Variants in NUP153 observed in about 807,000 individuals in gnomAD.
The protein encoded by NUP153 is nucleoporin 153.
NUP153 carries 27 observed loss-of-function variants against 134.6 expected under a neutral mutation model. The ratio of observed to expected loss-of-function variants is 0.20; its 90% CI spans 0.15 to 0.28. The LOEUF is 0.28. Ranked by LOEUF, NUP153 falls within the 10% of genes least tolerant of loss-of-function variation. The pLI is 1.00. For synonymous variants in NUP153, 640 were observed against 623.5 expected, an observed-to-expected ratio of 1.03 and a Z score of -0.40; for missense variants, 1,821 against 1,731.3, an observed-to-expected ratio of 1.05 and a Z score of -0.92.
At chr6:17,701,024 G>C (rs1319554741) in intron 1 of NUP153, among the ~76,000 whole-genome samples, 1 of 151,996 alleles carries the variant, frequency 6.6e-6, no homozygotes, top group African/African-American at 2.4e-5. Context: ...TCGGGAGTTC[G>C]AGACCAGCCT....
In NUP153 at chr6:17,688,501, G is replaced by T; in HGVS notation, c.229C>A (p.Arg77Ser). 1 of 1,614,058 alleles carries T rather than the reference G, an allele frequency of 6.2e-7. No individual in the cohort carries two copies. Among genetic ancestry groups the T allele is most frequent in the Middle Eastern group, 1.6e-4 (1 of 6,062 alleles). The change falls in exon 2 of 22, where the codon CGC (arginine) becomes AGC (serine). Residue 77 changes from arginine to serine, a missense_variant. Coordinates refer to ENST00000262077, the MANE Select transcript of NUP153 (RefSeq NM_005124.4). ...SCSTDTSEVP[R>S]WPENKEDHLV... ...TGGTCCTCTTTATTTTCTGGCCAGC[G>T]TGGAACCTCGCTTGTGTCTGTTGAA...
intron 5 of NUP153, among the ~76,000 whole-genome samples, chr6:17,674,327 C>A (rs974246262): frequency 1.3e-5 from 2 of 151,850 alleles, no homozygotes; most frequent in East Asian, 1.9e-4. Context: ...GTAATTTATA[C>A]GTCATTTAAA....
At chr6:17,699,306 C>T (rs1015576340) in intron 1 of NUP153, among the ~76,000 whole-genome samples, 9 of 150,796 alleles carry the variant, frequency 6.0e-5, no homozygotes, top group African/African-American at 2.2e-4. Context: ...ACCAGCCTGG[C>T]CAACATGGTG....
chr6:17,665,158 A>G (rs1400194102), intron 9 of NUP153, 81 bp downstream of exon 9: 2 of 1,033,962 alleles, frequency 1.9e-6, no homozygotes, highest in African/African-American at 1.6e-5. Context: ...CTAGAATACA[A>G]TGGTAGTTAT....
chr6:17,640,133 A>G (rs1765762354), intron 14 of NUP153, 69 bp from the exon 15 acceptor site: 1 of 1,210,462 alleles, frequency 8.3e-7, no homozygotes, highest in African/African-American at 1.6e-5. Context: ...CATTTTTAAA[A>G]ATCTTTCAAA....
intron 8 of NUP153, among the ~76,000 whole-genome samples, chr6:17,667,608 C>T (rs1036294159): frequency 6.6e-6 from 1 of 151,890 alleles, no homozygotes; most frequent in Non-Finnish European, 1.5e-5. Context: ...CAGCTACCTG[C>T]GAGGCTGAGG....
intron 14 of NUP153, among the ~76,000 whole-genome samples, chr6:17,644,490 T>G (rs1766034271): frequency 6.6e-6 from 1 of 152,214 alleles, no homozygotes; most frequent in African/African-American, 2.4e-5. Context: ...TTGTTTGCAA[T>G]TCTAAAGCGT....
intron 11 of NUP153, among the ~76,000 whole-genome samples, chr6:17,660,677 AGG>A (rs1767123476): frequency 6.6e-6 from 1 of 152,118 alleles, no homozygotes; most frequent in African/African-American, 2.4e-5. Flanking sequence ...AACACACAAA[AGG>A]ATGCCCCAAG....
rs78329450 is a variant in NUP153, at chr6:17,683,593, T to C, written c.334+4803A>G. On this transcript the variant is annotated intron_variant, in intron 2 of 21. Coordinates refer to ENST00000262077, the MANE Select transcript of NUP153 (RefSeq NM_005124.4). ...CATGCTGTAAATAGATGTGTTGTCA[T>C]CCAGGTTTTGTTGTTTCAATTACAC... is the stretch of plus-strand genomic sequence containing the variant. Among the ~76,000 whole-genome samples the C allele has an allele frequency of 2.1e-3, 320 of 152,310 alleles. 1 individual carries two copies. The highest frequency in any genetic ancestry group is 7.2e-3 in the African/African-American group (299 of 41,558).
At chr6:17,624,438 T>C in intron 20 of NUP153, 123 bp downstream of exon 20, 1 of 909,334 alleles carries the variant, frequency 1.1e-6, no homozygotes, top group South Asian at 1.8e-5. Context: ...ATTACCTCTC[T>C]ATTCTGCCAA....
At position 17,629,300 on chromosome 6, in the gene NUP153, A is replaced by G. The variant is rs779809314; in HGVS notation, c.2899T>C (p.Ser967Pro). 1.2e-6 allele frequency: 2 copies of G among 1,608,284 alleles called. No homozygotes were observed. Among genetic ancestry groups the G allele is most frequent in the Non-Finnish European group, 1.7e-6 (2 of 1,178,662 alleles). The part of the protein sequence containing the change: ...GDFKFGVSSE[S>P]KPEEVKKDSK... ...TCTTTTTTAACTTCTTCGGGCTTAG[A>G]TTCAGATGAAACTCCAAATTTAAAA... The change falls in exon 18 of 22, where the codon TCT becomes CCT. Residue 967 changes from serine to proline, a missense_variant. Physicochemically the swap from Ser to Pro is moderately conservative, Grantham distance 74. Transcript: ENST00000262077.
intron 11 of NUP153, among the ~76,000 whole-genome samples, chr6:17,651,650 T>C (rs9477498): frequency 0.015 from 2,214 of 152,326 alleles, 59 homozygotes; most frequent in African/African-American, 0.05. Flanking sequence ...TAAGAGTGGC[T>C]GTATTAATAC....
chr6:17,703,067 G>C (rs1044559177), intron 1 of NUP153, among the ~76,000 whole-genome samples: 2 of 151,548 alleles, frequency 1.3e-5, no homozygotes, highest in African/African-American at 4.8e-5. Flanking sequence ...GCGTGGTGGC[G>C]CATGCCTGTA....
In NUP153 at chr6:17,629,014, G is replaced by A. The variant is rs1765091677; in HGVS notation, c.3185C>T (p.Pro1062Leu). The A allele has an allele frequency of 6.2e-7, 1 of 1,614,034 alleles. No homozygotes were observed. Residue 1062 changes from proline (P) to leucine (L), a missense_variant, in exon 18 of 22, where the codon CCT becomes CTT. Coordinates refer to ENST00000262077, the MANE Select transcript of NUP153 (RefSeq NM_005124.4). ...AGCTTCTGATGTCTTACATGTGAAA[G>A]GAGCCACTGAAGCACTCTTGGTTTC... The part of the protein sequence containing the change: ...TIETKSASVA[P>L]FTCKTSEAKK...
Position 17,694,266 on chromosome 6 carries a change from C to T in NUP153, c.112-5648G>A, listed in dbSNP as rs934170189. Among the ~76,000 whole-genome samples, 20 of 152,124 alleles carry T rather than the reference C, an allele frequency of 1.3e-4. 1 individual carries two copies. Among genetic ancestry groups the T allele is most frequent in the Non-Finnish European group, 4.4e-5 (3 of 68,038 alleles). On this transcript the variant is annotated intron_variant, in intron 1 of 21. Transcript: ENST00000262077. ...AGAATAGTAATGTTTGCCTTTACCT[C>T]CATGAGTTAGTATAGATTCTAAAAT...
At chr6:17,671,628 G>A (rs899261928) in intron 5 of NUP153, among the ~76,000 whole-genome samples, 1 of 152,068 alleles carries the variant, frequency 6.6e-6, no homozygotes, top group Non-Finnish European at 1.5e-5. Context: ...CACCTAAATG[G>A]GAAGATATAC....
intron 2 of NUP153, among the ~76,000 whole-genome samples, chr6:17,682,835 T>C (rs1179653702): frequency 6.6e-6 from 1 of 151,642 alleles, no homozygotes; most frequent in Non-Finnish European, 1.5e-5. Flanking sequence ...GGAGAATTGC[T>C]TTATCGCAGG....
intron 14 of NUP153, among the ~76,000 whole-genome samples, chr6:17,642,922 C>T (rs766799140): frequency 3.3e-5 from 5 of 152,160 alleles, no homozygotes; most frequent in African/African-American, 4.8e-5. Flanking sequence ...CTCAGCTGTA[C>T]GAAGCCACAT....
intron 20 of NUP153, among the ~76,000 whole-genome samples, chr6:17,617,875 AT>A (rs1764420116): frequency 6.6e-6 from 1 of 152,016 alleles, no homozygotes; most frequent in African/African-American, 2.4e-5. Flanking sequence ...GAAAAAAAAG[AT>A]GGTAATTCTC....
Sources: allele counts gnomAD v4.1 joint callset (sites outside exome capture counted in the v4.1 genomes callset), GRCh38; gene constraint gnomAD v4.1.1; transcripts MANE v1.5; gene names NCBI Gene and HGNC (gene_info 2026-07-23, HGNC 2026-07-21).